Variants in PYROXD1 observed in about 807,000 individuals in gnomAD.
PYROXD1 encodes the protein pyridine nucleotide-disulphide oxidoreductase domain 1.
PYROXD1 carries 42 observed loss-of-function variants against 62.0 expected under a neutral mutation model. That is an observed-to-expected ratio of 0.68 (90% CI 0.53 to 0.88). PYROXD1 has a LOEUF of 0.88. Among genes scored for constraint, PYROXD1 ranks in the 40% least tolerant of loss-of-function variants. The pLI is 0.00. For missense variants in PYROXD1, 493 were observed against 604.8 expected, an observed-to-expected ratio of 0.82 and a Z score of 1.94; for synonymous variants, 170 against 206.4, an observed-to-expected ratio of 0.82 and a Z score of 1.51.
chr12:21,460,987 TGTAA>T, intron 7 of PYROXD1, 34 bp from the exon 8 acceptor site: 2 of 1,291,796 alleles, frequency 1.5e-6, no homozygotes, highest in Non-Finnish European at 2.1e-6. Context: ...TTATTCTTTC[TGTAA>T]GTATTATGCT....
At chr12:21,460,427 TTA>T (rs201960408) in intron 7 of PYROXD1, among the ~76,000 whole-genome samples, 5 of 58,456 alleles carry the variant, frequency 8.6e-5, no homozygotes, top group Non-Finnish European at 2.0e-4. Flanking sequence ...TTTATTTTAT[TTA>T]TTTATTTTTT....
At position 21,449,607 on chromosome 12, in the gene PYROXD1, C is replaced by CT. The variant is rs1565546975; in HGVS notation, c.331dup (p.Cys111LeufsTer7). 1.2e-6 allele frequency: 2 copies of CT among 1,613,142 alleles called. No individual in the cohort carries two copies. The highest frequency in any genetic ancestry group is 2.2e-5 in the East Asian group (1 of 44,812). On this transcript the variant is annotated frameshift_variant, in exon 4 of 12. Transcript: ENST00000240651. LOFTEE classifies it high-confidence loss of function. ...GCAATCAGCACGTATATAAGAAACT[C>CT]TGTCTGTGTGCTGGAGCTAAACCAA...
Position 21,470,265 on chromosome 12 carries a change from C to T in PYROXD1, c.*1511C>T. 1 of 1,608,872 alleles carries T rather than the reference C, an allele frequency of 6.2e-7. No homozygotes were observed. On this transcript the variant is annotated 3_prime_UTR_variant, in exon 12 of 12. Transcript: ENST00000240651. The stretch of plus-strand genomic sequence containing the variant: ...CCAGATTGCTGAAGCATGTTTGCAG[C>T]CTTCTTCTGGAAGTTGCCTGAATTT...
chr12:21,455,970 A>G (rs1467681157), intron 6 of PYROXD1, 25 bp from the exon 7 acceptor site: 1 of 1,441,386 alleles, frequency 6.9e-7, no homozygotes, highest in Non-Finnish European at 9.6e-7. Context: ...GGTAATTTTT[A>G]TATTATTTAA....
At chr12:21,462,388 C>G (rs1194803977) in intron 9 of PYROXD1, among the ~76,000 whole-genome samples, 1 of 152,018 alleles carries the variant, frequency 6.6e-6, no homozygotes, top group Admixed American at 6.5e-5. Flanking sequence ...CTGACACCTC[C>G]CGTGACTTCT....
Position 21,462,880 on chromosome 12 carries a change from ATT to A in PYROXD1, c.1116+19_1116+20del. The A allele has an allele frequency of 6.3e-7, 1 of 1,599,260 alleles. No homozygotes were observed. The highest frequency in any genetic ancestry group is 8.5e-7 in the Non-Finnish European group (1 of 1,174,328). ...GGCAGCAGGTAAGCTAGCATATATA[ATT>A]ATATGTTTTCATCAGAGATTCTGTC... On this transcript the variant is annotated intron_variant, in intron 10 of 11. Transcript: ENST00000240651.
chr12:21,451,859 A>G (rs1266912875), intron 4 of PYROXD1, among the ~76,000 whole-genome samples: 1 of 152,202 alleles, frequency 6.6e-6, no homozygotes, highest in African/African-American at 2.4e-5. Context: ...GAAAATCAGG[A>G]GAGGCATTGC....
rs773386033 is a variant in PYROXD1, at chr12:21,449,626, A to T, written c.349A>T (p.Lys117Ter). The T allele has an allele frequency of 6.2e-7, 1 of 1,613,084 alleles. No homozygotes were observed. Among genetic ancestry groups the T allele is most frequent in the Non-Finnish European group, 8.5e-7 (1 of 1,179,308 alleles). ...YKKLCLCAGA[K>*]PKLICEGNPY... is the part of the protein sequence containing the mutation. ...GAAACTCTGTCTGTGTGCTGGAGCTAAACCAAAGTTGATATGTGAAGGAAA... is the reference window on the plus strand; with the variant it reads ...GAAACTCTGTCTGTGTGCTGGAGCTTAACCAAAGTTGATATGTGAAGGAAA... Residue 117 changes from lysine to a stop codon, truncating the protein, a stop_gained, in exon 4 of 12, where the codon AAA (lysine) becomes TAA (stop). Coordinates refer to ENST00000240651, the MANE Select transcript of PYROXD1 (RefSeq NM_024854.5). LOFTEE classifies it high-confidence loss of function.
At position 21,452,197 on chromosome 12, in the gene PYROXD1, A is replaced by G. The variant is rs149232327; in HGVS notation, c.488+43A>G. On this transcript the variant is annotated intron_variant, in intron 5 of 11. Coordinates refer to ENST00000240651, the MANE Select transcript of PYROXD1 (RefSeq NM_024854.5). ...AATATGATAACATTTAAATTGTTTA[A>G]AAATAATTTGTTTTTAAATTAAACA... 588 of 1,231,434 alleles carry G rather than the reference A, an allele frequency of 4.8e-4. 1 individual carries two copies. In the African/African-American group the frequency reaches 7.9e-3, roughly 17 times the overall value. 76.3% of individuals were successfully genotyped at this position (1,231,434 alleles called of 1,614,324 possible). A position where few individuals can be genotyped will look rare whatever the true frequency, so the allele number is the denominator to read the frequency against.
chr12:21,462,926 T>A lies in PYROXD1; in HGVS notation c.1116+64T>A. 4 of 1,513,492 alleles carry A rather than the reference T, an allele frequency of 2.6e-6. No homozygotes were observed. The South Asian group carries it at 5.1e-5, about 19-fold the overall frequency. 93.8% of individuals were successfully genotyped at this position (1,513,492 alleles called of 1,614,324 possible). A position where few individuals can be genotyped will look rare whatever the true frequency, so the allele number is the denominator to read the frequency against. The stretch of plus-strand genomic sequence containing the variant: ...TTCTGTCTGAAAATAAAGCGGTTGT[T>A]ACCAACAAATCCAACTTCTGGTTTT... On this transcript the variant is annotated intron_variant, in intron 10 of 11. Transcript: ENST00000240651.
intron 10 of PYROXD1, among the ~76,000 whole-genome samples, chr12:21,465,533 T>C (rs1426843282): frequency 1.3e-5 from 2 of 151,908 alleles, no homozygotes; most frequent in Non-Finnish European, 2.9e-5. Context: ...TTTTTGTAAA[T>C]TTGTTTGAGT....
At chr12:21,448,090 T>C in intron 3 of PYROXD1, 1 of 626,046 alleles carries the variant, frequency 1.6e-6, no homozygotes, top group South Asian at 1.8e-5. Context: ...CCACTCAACA[T>C]GGCTTTTATC....
Position 21,468,449 on chromosome 12 carries a change from C to T in PYROXD1, c.1255-57C>T, listed in dbSNP as rs1942843059. 5 of 1,482,634 alleles carry T rather than the reference C, an allele frequency of 3.4e-6. No individual in the cohort carries two copies. In the East Asian group the frequency reaches 1.1e-4, roughly 34 times the overall value. The allele number at this position is 1,482,634 out of a possible 1,614,324, so 91.8% of individuals were successfully genotyped here. ...ATTCAAACTTGACACAAAATAACTA[C>T]CCATTACATTTTCTTTATGATACTC... On this transcript the variant is annotated intron_variant, in intron 11 of 11. Transcript: ENST00000240651.
Position 21,462,108 on chromosome 12 carries a change from C to CAA in PYROXD1, c.981_982insAA (p.His328AsnfsTer8). 1.2e-6 allele frequency: 2 copies of CAA among 1,604,406 alleles called. No individual in the cohort carries two copies. Among genetic ancestry groups the CAA allele is most frequent in the Non-Finnish European group, 1.7e-6 (2 of 1,171,780 alleles). ...TTACACCAAATGTAGAACCTTTTCT[C>CAA]CATGGTAACAGTGTAAGGTGAAATT... On this transcript the variant is annotated frameshift_variant, in exon 9 of 12. Transcript: ENST00000240651. LOFTEE classifies it high-confidence loss of function.
At chr12:21,464,600 C>T (rs1031859037) in intron 10 of PYROXD1, among the ~76,000 whole-genome samples, 9 of 152,082 alleles carry the variant, frequency 5.9e-5, no homozygotes, top group Non-Finnish European at 1.0e-4. Flanking sequence ...GTTTAATTCT[C>T]TCAATAGTTA....
At position 21,437,752 on chromosome 12, in the gene PYROXD1, C is replaced by G. The variant is rs370239493; in HGVS notation, c.22C>G (p.Pro8Ala). The change falls in exon 1 of 12, where the codon CCG (proline) becomes GCG (alanine). Residue 8 changes from proline (P) to alanine (A), a missense_variant. By Grantham distance (27) the Pro-to-Ala change is conservative. Coordinates refer to ENST00000240651, the MANE Select transcript of PYROXD1 (RefSeq NM_024854.5). MEAARPP[P>A]TAGKFVVVGG... ...CAGCATGGAGGCAGCGCGCCCTCCC[C>G]CGACGGCAGGGAAGTTCGTGGTGGT... 32 of 1,612,968 alleles carry G rather than the reference C, an allele frequency of 2.0e-5. No homozygotes were observed. Among genetic ancestry groups the G allele is most frequent in the Middle Eastern group, 3.3e-4 (2 of 6,078 alleles).
intron 10 of PYROXD1, among the ~76,000 whole-genome samples, chr12:21,463,999 C>G (rs977162277): frequency 7.2e-5 from 11 of 152,178 alleles, no homozygotes; most frequent in Admixed American, 7.2e-4. Flanking sequence ...TTTCAAGAGG[C>G]AGCACCATCA....
chr12:21,442,139 G>A (rs1313033860), intron 2 of PYROXD1, among the ~76,000 whole-genome samples: 1 of 152,216 alleles, frequency 6.6e-6, no homozygotes, highest in African/African-American at 2.4e-5. Context: ...GGGGATCCCT[G>A]TTGGCACTGA....
intron 3 of PYROXD1, 46 bp from the exon 4 acceptor site, chr12:21,449,517 T>C: frequency 6.4e-7 from 1 of 1,570,682 alleles, no homozygotes; most frequent in Non-Finnish European, 8.6e-7. Flanking sequence ...TGTATCCATG[T>C]TGATTATGTG....
Sources: allele counts gnomAD v4.1 joint callset (sites outside exome capture counted in the v4.1 genomes callset), GRCh38; gene constraint gnomAD v4.1.1; transcripts MANE v1.5; gene names NCBI Gene and HGNC (gene_info 2026-07-23, HGNC 2026-07-21).